The following TEX11 variants were observed in gnomAD, a reference collection of about 807,000 sequenced individuals.
TEX11 encodes testis expressed 11.
TEX11 carries 7 observed loss-of-function variants against 84.4 expected under a neutral mutation model. The observed-to-expected ratio is 0.08, with a 90% CI of 0.05 to 0.16. The LOEUF (loss-of-function observed/expected upper bound fraction) is 0.16. Among genes scored for constraint, TEX11 ranks in the 10% least tolerant of loss-of-function variants. The pLI, the probability that TEX11 is intolerant of heterozygous loss-of-function variation, is 1.00. For missense variants in TEX11, 551 were observed against 660.5 expected (o/e 0.83, Z 1.82); for synonymous variants, 264 against 222.8 (o/e 1.18, Z -1.64).
chrX:70,857,573 T>C, intron 5 of TEX11: 1 of 264,638 alleles, frequency 3.8e-6, no homozygotes, highest in South Asian at 4.5e-5. Context: ...ATTCAAGATA[T>C]GTCATATATC....
intron 13 of TEX11, among the ~76,000 whole-genome samples, chrX:70,704,975 A>G (rs975513202): frequency 3.6e-5 from 4 of 111,836 alleles, no homozygotes; most frequent in African/African-American, 1.3e-4. Flanking sequence ...TTTTAGTATA[A>G]GGTGTAAGGA....
chrX:70,579,522 A>AC (rs1328761919), intron 25 of TEX11, among the ~76,000 whole-genome samples: 73 of 12,778 alleles, frequency 5.7e-3, no homozygotes, highest in Non-Finnish European at 7.2e-3. Flanking sequence ...AAAAAAACAA[A>AC]AAAAAAAAAA....
intron 8 of TEX11, among the ~76,000 whole-genome samples, chrX:70,832,122 A>G (rs2091380209): frequency 1.8e-5 from 2 of 111,662 alleles, no homozygotes; most frequent in African/African-American, 6.5e-5. Context: ...AGCCATGAGT[A>G]GAACATAGAA....
chrX:70,567,807 G>A (rs890281567), intron 25 of TEX11, among the ~76,000 whole-genome samples: 2 of 111,411 alleles, frequency 1.8e-5, no homozygotes, highest in Non-Finnish European at 3.8e-5. Context: ...CATTTGCTGA[G>A]GAGAGCTTTA....
chrX:70,620,741 C>G (rs150512147), intron 20 of TEX11, among the ~76,000 whole-genome samples: 1 of 112,140 alleles, frequency 8.9e-6, no homozygotes, highest in Non-Finnish European at 1.9e-5. Flanking sequence ...AAATGTGATA[C>G]GTTCATACAA....
At chrX:70,764,968 C>T (rs1429518162) in intron 9 of TEX11, among the ~76,000 whole-genome samples, 1 of 111,445 alleles carries the variant, frequency 9.0e-6, no homozygotes, top group African/African-American at 3.3e-5. Flanking sequence ...CAAACTCATT[C>T]TACGAGGCCA....
At chrX:70,554,885 T>C (rs2088266088) in intron 25 of TEX11, 85 bp from the exon 26 acceptor site, 1 of 895,927 alleles carries the variant, frequency 1.1e-6, no homozygotes, top group African/African-American at 2.1e-5. Context: ...TGGAGAGGTT[T>C]TCCTTCTAAG....
Position 70,782,810 on chromosome X carries a change from G to C in TEX11, c.692+23895C>G, listed in dbSNP as rs570687646. On this transcript the variant is annotated intron_variant, in intron 9 of 29. Transcript: ENST00000374333. The stretch of plus-strand genomic sequence containing the variant: ...CTTAAATATATATGCACCCAATACA[G>C]GAGCATCCATATTCACAAAACAATC... 5.4e-5 allele frequency among the ~76,000 whole-genome samples: 6 copies of C among 110,435 alleles called. No homozygotes were observed. The Admixed American group carries it at 5.8e-4, about 11-fold the overall frequency.
chrX:70,558,818 C>CATTGGTCATCAGGAAA (rs1223673711), intron 25 of TEX11, among the ~76,000 whole-genome samples: 1 of 111,738 alleles, frequency 8.9e-6, no homozygotes, highest in African/African-American at 3.2e-5. Context: ...TGCTCAACAC[C>CATTGGTCATCAGGAAA]ATTGGTCATC....
chrX:70,683,625 A>G (rs1449547431), intron 13 of TEX11, among the ~76,000 whole-genome samples: 1 of 111,584 alleles, frequency 9.0e-6, no homozygotes, highest in Admixed American at 9.5e-5. Flanking sequence ...CTGTCTGAAA[A>G]AAACCCCAAA....
chrX:70,531,955 G>A (rs770940973), intron 28 of TEX11, among the ~76,000 whole-genome samples: 1 of 111,749 alleles, frequency 8.9e-6, no homozygotes, highest in Non-Finnish European at 1.9e-5. Flanking sequence ...CTAAGCAGAC[G>A]ATTTATGTAG....
intron 3 of TEX11, among the ~76,000 whole-genome samples, chrX:70,876,818 G>A (rs751060966): frequency 9.0e-6 from 1 of 110,805 alleles, no homozygotes; most frequent in African/African-American, 3.3e-5. Context: ...GCTACTCGGA[G>A]GGCTGAGGGG....
chrX:70,852,437 G>A lies in TEX11; in HGVS notation c.525+597C>T, dbSNP rs371180182. On this transcript the variant is annotated intron_variant, in intron 7 of 29. Transcript: ENST00000374333. ...ATTCCTGGGCTCAAGCAATCTTTCC[G>A]CTTCAGGCTCCCAAAGTGCTGGGAT... 2.4e-4 allele frequency among the ~76,000 whole-genome samples: 27 copies of A among 111,879 alleles called. No homozygotes were observed. The South Asian group carries it at 3.7e-3, about 16-fold the overall frequency.
At chrX:70,565,708 A>T (rs1333840660) in intron 25 of TEX11, among the ~76,000 whole-genome samples, 2 of 110,032 alleles carry the variant, frequency 1.8e-5, no homozygotes, top group African/African-American at 6.6e-5. Context: ...AAGATCAGAT[A>T]GTTGTAGATA....
downstream of TEX11, among the ~76,000 whole-genome samples, chrX:70,526,192 G>A (rs1020419006): frequency 3.6e-5 from 4 of 111,890 alleles, no homozygotes; most frequent in Non-Finnish European, 7.5e-5. Context: ...AGGTTAATCA[G>A]CCAGGCTTCT....
chrX:70,534,269 A>C (rs947518873), intron 28 of TEX11, among the ~76,000 whole-genome samples: 1 of 109,983 alleles, frequency 9.1e-6, no homozygotes, highest in African/African-American at 3.3e-5. Flanking sequence ...GATAGGAGGA[A>C]GTAGATGAAT....
At chrX:70,858,780 G>A (rs2091551988) in intron 5 of TEX11, among the ~76,000 whole-genome samples, 1 of 112,105 alleles carries the variant, frequency 8.9e-6, no homozygotes, top group Admixed American at 9.5e-5. Flanking sequence ...GCTCATGCCT[G>A]TAATCCCAGA....
At chrX:70,607,998 A>G (rs1339445730) in intron 22 of TEX11, among the ~76,000 whole-genome samples, 2 of 112,419 alleles carry the variant, frequency 1.8e-5, no homozygotes, top group East Asian at 5.5e-4. Context: ...GGAGAGGTTC[A>G]TGTAGAATCA....
rs759371387 is a variant in TEX11, at chrX:70,554,602, A to G, written c.2290+49T>C. 4 of 1,093,469 alleles carry G rather than the reference A, an allele frequency of 3.7e-6. No homozygotes were observed. In the East Asian group the frequency reaches 1.3e-4, roughly 36 times the overall value. The allele number at this position is 1,093,469 out of a possible 1,213,427, so 90.1% of individuals were successfully genotyped here. On this transcript the variant is annotated intron_variant, in intron 26 of 29. Transcript: ENST00000374333. ...GAGTAAAGAGAAGAAAAAAAGTCAT[A>G]CGATCTAAATGGGCACCAGCCTTAC...
Sources: gnomAD v4.1 joint callset for allele counts (sites outside exome capture counted in the v4.1 genomes callset) on GRCh38, gnomAD v4.1.1 for gene constraint, MANE v1.5 for transcripts, NCBI Gene and HGNC (gene_info 2026-07-23, HGNC 2026-07-21) for gene names.